Variants in WT1 observed in about 807,000 individuals in gnomAD.
WT1 encodes WT1 transcription factor.
WT1 carries 8 observed loss-of-function variants against 60.8 expected under a neutral mutation model. That is an observed-to-expected ratio of 0.13 (90% CI 0.08 to 0.24). The LOEUF (loss-of-function observed/expected upper bound fraction) is 0.24. Ranked by LOEUF, WT1 falls within the 10% of genes least tolerant of loss-of-function variation. WT1 has a pLI of 1.00. For synonymous variants in WT1, 312 were observed against 297.1 expected, an observed-to-expected ratio of 1.05 and a Z score of -0.52; for missense variants, 568 against 711.8, an observed-to-expected ratio of 0.80 and a Z score of 2.30.
At chr11:32,432,448 G>A (rs376450373) in intron 1 of WT1, among the ~76,000 whole-genome samples, 4 of 152,210 alleles carry the variant, frequency 2.6e-5, no homozygotes, top group African/African-American at 9.7e-5. Flanking sequence ...CAGCCGGAGC[G>A]CTTCTCACAT....
chr11:32,431,300 G>A (rs910897443), intron 1 of WT1, among the ~76,000 whole-genome samples: 26 of 152,216 alleles, frequency 1.7e-4, no homozygotes, highest in African/African-American at 6.0e-4. Context: ...GACCGGAAGA[G>A]GGAGCCTTTG....
intron 2 of WT1, among the ~76,000 whole-genome samples, chr11:32,428,291 T>C (rs1433436495): frequency 1.3e-5 from 2 of 152,176 alleles, no homozygotes; most frequent in African/African-American, 4.8e-5. Flanking sequence ...TTCATAGACT[T>C]AGTTGGATGG....
chr11:32,428,697 G>GT, intron 1 of WT1, 78 bp from the exon 2 acceptor site: 1 of 1,543,928 alleles, frequency 6.5e-7, no homozygotes, highest in Non-Finnish European at 8.6e-7. Context: ...CCAGCCACGG[G>GT]CGGGGGGGGT....
At chr11:32,418,928 G>A (rs997190182) in intron 3 of WT1, among the ~76,000 whole-genome samples, 3 of 152,200 alleles carry the variant, frequency 2.0e-5, no homozygotes, top group Admixed American at 6.5e-5. Flanking sequence ...AGGGAATTTT[G>A]CATATGAAAA....
At chr11:32,420,606 T>C (rs1852822604) in intron 3 of WT1, among the ~76,000 whole-genome samples, 1 of 152,154 alleles carries the variant, frequency 6.6e-6, no homozygotes, top group African/African-American at 2.4e-5. Context: ...AGTGCTGGCA[T>C]GCCTGAGCCC....
chr11:32,392,380 C>T (rs192575025), intron 8 of WT1, among the ~76,000 whole-genome samples: 53 of 152,294 alleles, frequency 3.5e-4, no homozygotes, highest in African/African-American at 1.1e-3. Flanking sequence ...AATTGGATTC[C>T]GCTCTCCATC....
intron 5 of WT1, chr11:32,400,283 G>A: frequency 8.4e-6 from 5 of 592,800 alleles, no homozygotes; most frequent in South Asian, 1.8e-5. Context: ...GGCGTGCACC[G>A]TCACGGTCTA....
intron 3 of WT1, among the ~76,000 whole-genome samples, chr11:32,423,943 A>G (rs1197889299): frequency 6.6e-6 from 1 of 152,130 alleles, no homozygotes; most frequent in Non-Finnish European, 1.5e-5. Flanking sequence ...CGGGTGGATC[A>G]CAAGGTCAGG....
chr11:32,427,925 G>T, intron 3 of WT1, 31 bp downstream of exon 3: 1 of 1,588,432 alleles, frequency 6.3e-7, no homozygotes, highest in South Asian at 1.1e-5. Context: ...GGGTCCCAAG[G>T]ACCCAGACGC....
At chr11:32,428,775 C>T (rs1191658048) in intron 1 of WT1, among the ~76,000 whole-genome samples, 156 bp from the exon 2 acceptor site, 1 of 152,182 alleles carries the variant, frequency 6.6e-6, no homozygotes, top group Non-Finnish European at 1.5e-5. Flanking sequence ...CCAGGACTTT[C>T]GGCAGGAAGA....
chr11:32,396,936 A>T (rs992223072), intron 6 of WT1, among the ~76,000 whole-genome samples: 1 of 152,226 alleles, frequency 6.6e-6, no homozygotes, highest in African/African-American at 2.4e-5. Context: ...AGGAAGAAGA[A>T]GCCCCTGGAT....
intron 5 of WT1, among the ~76,000 whole-genome samples, chr11:32,403,519 C>T (rs1564978364): frequency 6.6e-6 from 1 of 151,480 alleles, no homozygotes; most frequent in African/African-American, 2.4e-5. Context: ...TAAAAACAAG[C>T]TGAAATCTGT....
chr11:32,399,753 G>A (rs1436081201), intron 6 of WT1, among the ~76,000 whole-genome samples, 195 bp downstream of exon 6: 6 of 152,226 alleles, frequency 3.9e-5, no homozygotes, highest in Non-Finnish European at 2.9e-5. Context: ...TCAGGCAGCG[G>A]GGCAGCCTCT....
At chr11:32,407,813 C>A (rs1172614699) in intron 5 of WT1, among the ~76,000 whole-genome samples, 2 of 151,494 alleles carry the variant, frequency 1.3e-5, no homozygotes, top group Non-Finnish European at 2.9e-5. Flanking sequence ...AGTTTAAACA[C>A]AAGAGAAGAG....
intron 4 of WT1, among the ~76,000 whole-genome samples, chr11:32,416,948 T>G (rs1331264378): frequency 1.3e-5 from 2 of 152,216 alleles, no homozygotes; most frequent in Admixed American, 1.3e-4. Flanking sequence ...TCTATGCTAC[T>G]GCCCATCTCT....
chr11:32,427,153 G>T (rs572103697), intron 3 of WT1, among the ~76,000 whole-genome samples: 1 of 152,198 alleles, frequency 6.6e-6, no homozygotes, highest in Non-Finnish European at 1.5e-5. Flanking sequence ...CCCGGCCCCC[G>T]CCCCAACTTC....
intron 6 of WT1, 118 bp from the exon 7 acceptor site, chr11:32,396,525 A>G: frequency 7.5e-7 from 1 of 1,328,756 alleles, no homozygotes. Context: ...GTGCAGACCT[A>G]AAACCACTCC....
In WT1 at chr11:32,417,632, A is replaced by G. The variant is rs1286298624; in HGVS notation, c.910T>C (p.Ser304Pro). The change falls in exon 4 of 10, where the codon TCC (serine) becomes CCC (proline). Residue 304 changes from serine (S) to proline (P), a missense_variant. Transcript: ENST00000452863. ...TTCCAGGTCATGCATTCAAGCTGGG[A>G]TGTCATTTGGTATAAATTGTCACTG... is the stretch of plus-strand genomic sequence containing the variant. 6.2e-7 allele frequency: 1 copy of G among 1,614,024 alleles called. No homozygotes were observed. Among genetic ancestry groups the G allele is most frequent in the Non-Finnish European group, 8.5e-7 (1 of 1,179,966 alleles).
At chr11:32,405,701 C>G (rs921159955) in intron 5 of WT1, among the ~76,000 whole-genome samples, 2 of 152,078 alleles carry the variant, frequency 1.3e-5, no homozygotes, top group East Asian at 3.8e-4. Context: ...CAGACTGATG[C>G]AATAGGTCAG....
Sources: gnomAD v4.1 joint callset for allele counts (sites outside exome capture counted in the v4.1 genomes callset) on GRCh38, gnomAD v4.1.1 for gene constraint, MANE v1.5 for transcripts, NCBI Gene and HGNC (gene_info 2026-07-23, HGNC 2026-07-21) for gene names.